ATP13A5: variants seen among roughly 807,000 people sequenced by gnomAD.
ATP13A5 encodes the protein ATPase 13A5.
ATP13A5 carries 149 observed loss-of-function variants against 150.2 expected under a neutral mutation model. That is an observed-to-expected ratio of 0.99 (90% CI 0.87 to 1.14). The LOEUF (loss-of-function observed/expected upper bound fraction) is 1.14, where lower values mean the gene tolerates loss of function less well. Ranked by LOEUF, ATP13A5 falls within the 50% of genes most tolerant of loss-of-function variation. The pLI, the probability that ATP13A5 is intolerant of heterozygous loss-of-function variation, is 0.00. For synonymous variants in ATP13A5, 497 were observed against 522.2 expected, an observed-to-expected ratio of 0.95 and a Z score of 0.66; for missense variants, 1,383 against 1,449.3, an observed-to-expected ratio of 0.95 and a Z score of 0.74.
chr3:193,276,051 C>T (rs1191578966), intron 29 of ATP13A5, among the ~76,000 whole-genome samples: 1 of 152,090 alleles, frequency 6.6e-6, no homozygotes, highest in Non-Finnish European at 1.5e-5. Context: ...TGCCTTCATA[C>T]ATGTAGTATT....
chr3:193,332,941 C>A (rs1711690199), intron 11 of ATP13A5, among the ~76,000 whole-genome samples: 2 of 152,100 alleles, frequency 1.3e-5, no homozygotes, highest in Admixed American at 1.3e-4. Context: ...CCCTCAAATT[C>A]CAGCCCCAGT....
In ATP13A5 at chr3:193,351,121, G is replaced by A. The variant is rs772692546; in HGVS notation, c.687C>T (p.Ala229=). The A allele has an allele frequency of 8.1e-6, 13 of 1,613,588 alleles. No homozygotes were observed. The highest frequency in any genetic ancestry group is 1.1e-5 in the Non-Finnish European group (13 of 1,179,740). The change falls in exon 7 of 30, where the codon GCC becomes GCT. Residue 229 remains alanine (A), a synonymous_variant. Coordinates refer to ENST00000342358, the MANE Select transcript of ATP13A5 (RefSeq NM_198505.4). ...TGGAGATAACAGTCAAAATGATGATGGCCACAGAGTATTCTATGTAACCTT... is the reference window on the plus strand; with the variant it reads ...TGGAGATAACAGTCAAAATGATGATAGCCACAGAGTATTCTATGTAACCTT... ...LSQGYIEYSV[A]IIILTVISIV... is the part of the protein sequence containing the mutation.
At position 193,311,831 on chromosome 3, in the gene ATP13A5, G is replaced by A. The variant is rs112958471; in HGVS notation, c.2430C>T (p.Asn810=). 6.2e-7 allele frequency: 1 copy of A among 1,613,706 alleles called. No homozygotes were observed. The highest frequency in any genetic ancestry group is 1.3e-5 in the African/African-American group (1 of 74,908). The change falls in exon 20 of 30, where the codon AAC becomes AAT. Residue 810 remains asparagine (N), a synonymous_variant. Coordinates refer to ENST00000342358, the MANE Select transcript of ATP13A5 (RefSeq NM_198505.4). The part of the protein sequence containing the change: ...KSYQVIFQHF[N]SLLPKILVNG... Reference sequence around the variant, plus strand: ...CAGTACTTACTTTTGGAAGCAAGCTGTTGAAATGCTGAAATATCACTTGGT... The same window carrying A: ...CAGTACTTACTTTTGGAAGCAAGCTATTGAAATGCTGAAATATCACTTGGT...
At chr3:193,353,945 ATCTG>A (rs1712675377) in intron 6 of ATP13A5, among the ~76,000 whole-genome samples, 178 bp downstream of exon 6, 2 of 152,122 alleles carry the variant, frequency 1.3e-5, no homozygotes, top group Admixed American at 1.3e-4. Context: ...TGAGGCAGGA[ATCTG>A]TCTCACACTG....
At chr3:193,295,577 C>T (rs189934688) in intron 25 of ATP13A5, among the ~76,000 whole-genome samples, 82 of 152,190 alleles carry the variant, frequency 5.4e-4, no homozygotes, top group African/African-American at 1.9e-3. Flanking sequence ...CCTCAGGAAC[C>T]TACGTGGCTA....
In ATP13A5 at chr3:193,335,068, C is replaced by A. The variant is rs1296923833; in HGVS notation, c.975G>T (p.Leu325Phe). Residue 325 changes from leucine (L) to phenylalanine (F), a missense_variant, in exon 10 of 30, where the codon TTG becomes TTT. Physicochemically the swap from Leu to Phe is conservative, Grantham distance 22 (BLOSUM62 0). This residue lies in a region of ATP13A5 where 787 missense variants were observed against 771.9 expected (regional missense o/e 1.02). Coordinates refer to ENST00000342358, the MANE Select transcript of ATP13A5 (RefSeq NM_198505.4). ...GESIPVTKTP[L>F]PQMENTMPWK... ...AAGGCATAGTGTTCTCCATCTGGGG[C>A]AATGGTGTCTTTGTAACAGGTATAC... 2 of 1,613,880 alleles carry A rather than the reference C, an allele frequency of 1.2e-6. No individual in the cohort carries two copies. Among genetic ancestry groups the A allele is most frequent in the Non-Finnish European group, 1.7e-6 (2 of 1,179,794 alleles).
chr3:193,377,179 T>C (rs1713674643), intron 1 of ATP13A5, among the ~76,000 whole-genome samples: 1 of 152,238 alleles, frequency 6.6e-6, no homozygotes, highest in Non-Finnish European at 1.5e-5. Flanking sequence ...TGCACTCTTA[T>C]CTACATGTTG....
intron 17 of ATP13A5, among the ~76,000 whole-genome samples, chr3:193,316,648 T>A (rs910633622): frequency 5.9e-5 from 9 of 152,160 alleles, no homozygotes; most frequent in African/African-American, 2.2e-4. Flanking sequence ...AGGGCCTTTG[T>A]TCATTTTTAA....
intron 21 of ATP13A5, among the ~76,000 whole-genome samples, chr3:193,307,763 T>A (rs985237520): frequency 6.6e-6 from 1 of 152,242 alleles, no homozygotes; most frequent in Non-Finnish European, 1.5e-5. Flanking sequence ...AGTCACTGAC[T>A]GTTGCTGAGC....
intron 20 of ATP13A5, among the ~76,000 whole-genome samples, 190 bp downstream of exon 20, chr3:193,311,626 C>T (rs775258824): frequency 4.4e-4 from 67 of 152,030 alleles, no homozygotes; most frequent in Admixed American, 8.5e-4. Context: ...AACGGGAGGC[C>T]GTGGGTCTGC....
intron 26 of ATP13A5, among the ~76,000 whole-genome samples, 156 bp downstream of exon 26, chr3:193,289,729 A>G (rs1034844708): frequency 3.3e-5 from 5 of 152,042 alleles, no homozygotes; most frequent in African/African-American, 7.2e-5. Flanking sequence ...CCAGTAGTCC[A>G]TGGATTAACT....
At chr3:193,337,094 T>C (rs1214202497) in intron 9 of ATP13A5, among the ~76,000 whole-genome samples, 1 of 152,250 alleles carries the variant, frequency 6.6e-6, no homozygotes, top group East Asian at 1.9e-4. Context: ...GTTTGTTTTT[T>C]TCTTGTAAAT....
intron 3 of ATP13A5, 116 bp from the exon 4 acceptor site, chr3:193,362,753 CTTT>C (rs1713069584): frequency 1.1e-4 from 7 of 65,730 alleles, no homozygotes; most frequent in Admixed American, 2.5e-4. Flanking sequence ...TGCTTTCCTT[CTTT>C]CTTTCTTTCT....
chr3:193,305,500 T>G, intron 23 of ATP13A5, 59 bp downstream of exon 23: 1 of 1,328,722 alleles, frequency 7.5e-7, no homozygotes, highest in Non-Finnish European at 1.1e-6. Context: ...GAATTCTGTC[T>G]GCAGAGCCAG....
intron 25 of ATP13A5, among the ~76,000 whole-genome samples, chr3:193,294,300 A>G (rs1411861553): frequency 6.6e-6 from 1 of 151,974 alleles, no homozygotes; most frequent in African/African-American, 2.4e-5. Context: ...CTGTTCTTAG[A>G]TTTTTTTGAG....
intron 13 of ATP13A5, among the ~76,000 whole-genome samples, chr3:193,325,669 T>C (rs552088145): frequency 7.1e-4 from 108 of 152,336 alleles, no homozygotes; most frequent in African/African-American, 2.5e-3. Flanking sequence ...GCTGCATGGA[T>C]GCAGAAGCAT....
chr3:193,331,081 C>G, intron 12 of ATP13A5, 42 bp downstream of exon 12: 1 of 1,581,748 alleles, frequency 6.3e-7, no homozygotes. Context: ...TCCACCATGC[C>G]TTGAAATCAT....
chr3:193,339,662 G>A (rs1712038191), intron 9 of ATP13A5, among the ~76,000 whole-genome samples: 1 of 152,090 alleles, frequency 6.6e-6, no homozygotes, highest in South Asian at 2.1e-4. Context: ...TTCATCCATT[G>A]TGTAGATGTA....
At chr3:193,290,912 T>A (rs763245272) in intron 25 of ATP13A5, among the ~76,000 whole-genome samples, 4 of 152,106 alleles carry the variant, frequency 2.6e-5, no homozygotes, top group Non-Finnish European at 4.4e-5. Context: ...GATATTGTAG[T>A]CATGTTTCAG....
Sources: allele counts gnomAD v4.1 joint callset (sites outside exome capture counted in the v4.1 genomes callset), GRCh38; gene constraint gnomAD v4.1.1; regional missense constraint gnomAD v4.1.1; transcripts MANE v1.5; gene names NCBI Gene and HGNC (gene_info 2026-07-23, HGNC 2026-07-21).